Variants in TVP23A observed in about 807,000 individuals in gnomAD.
TVP23A encodes Golgi apparatus membrane protein TVP23 homolog A.
TVP23A carries 21 observed loss-of-function variants against 31.7 expected under a neutral mutation model. The ratio of observed to expected loss-of-function variants is 0.66; its 90% CI spans 0.47 to 0.95. The LOEUF (loss-of-function observed/expected upper bound fraction) is 0.95, where lower values mean the gene tolerates loss of function less well. Ranked by LOEUF, TVP23A falls within the 40% of genes least tolerant of loss-of-function variation. The probability of loss-of-function intolerance (pLI) is 0.00; values close to 1 mark genes in which losing one functional copy is unlikely to be tolerated. For synonymous variants in TVP23A, 104 were observed against 96.0 expected (o/e 1.08, Z -0.49); for missense variants, 279 against 255.6 (o/e 1.09, Z -0.62).
At chr16:10,780,262 C>T (rs1398328794) in intron 2 of TVP23A, among the ~76,000 whole-genome samples, 1 of 152,096 alleles carries the variant, frequency 6.6e-6, no homozygotes, top group Non-Finnish European at 1.5e-5. Context: ...TATCTTGTCT[C>T]CTGCTAAATG....
intron 2 of TVP23A, among the ~76,000 whole-genome samples, chr16:10,787,675 TG>T (rs1024580293): frequency 1.5e-5 from 2 of 129,776 alleles, no homozygotes; most frequent in African/African-American, 9.1e-5. Context: ...TGCAGTGGGC[TG>T]GTTTTTTTCC....
In TVP23A at chr16:10,801,908, A is replaced by G. The variant is rs111654659; in HGVS notation, c.89+16195T>C. 9.7e-3 allele frequency among the ~76,000 whole-genome samples: 1,471 copies of G among 152,228 alleles called. 28 individuals carry two copies. Among genetic ancestry groups the G allele is most frequent in the African/African-American group, 0.034 (1,392 of 41,522 alleles). ...ATTGATGGCTGGACACAGTGGCTTA[A>G]GCCTGTAATCCCAGCACTCCGAAAG... On this transcript the variant is annotated intron_variant, in intron 2 of 7. Coordinates refer to ENST00000299866, the MANE Select transcript of TVP23A (RefSeq NM_001079512.4).
At chr16:10,781,504 C>T (rs919547690) in intron 2 of TVP23A, among the ~76,000 whole-genome samples, 3 of 152,166 alleles carry the variant, frequency 2.0e-5, no homozygotes, top group East Asian at 1.9e-4. Context: ...CACCCATTGT[C>T]TTCCTCCCCG....
intron 2 of TVP23A, among the ~76,000 whole-genome samples, chr16:10,789,031 C>T (rs1012712212): frequency 5.3e-5 from 8 of 152,158 alleles, no homozygotes; most frequent in African/African-American, 1.9e-4. Flanking sequence ...CCCCACAAGC[C>T]TTTTTCCCAA....
At chr16:10,794,993 G>C (rs2142993226) in intron 2 of TVP23A, among the ~76,000 whole-genome samples, 1 of 152,130 alleles carries the variant, frequency 6.6e-6, no homozygotes, top group East Asian at 1.9e-4. Context: ...GAGGAGCCTG[G>C]GATCCCTGGA....
rs747246242 is a variant in TVP23A, at chr16:10,761,322, C to T, written c.*453G>A. On this transcript the variant is annotated 3_prime_UTR_variant and NMD_transcript_variant, in exon 9 of 9. Transcript: ENST00000456096. ...TCGGTTGCACAGACATTCCCTTTCTCGCACTTTGATGCTGGAATCACTGGT... is the reference window on the plus strand; with the variant it reads ...TCGGTTGCACAGACATTCCCTTTCTTGCACTTTGATGCTGGAATCACTGGT... The T allele has an allele frequency of 4.4e-6, 7 of 1,576,800 alleles. No individual in the cohort carries two copies. The East Asian group carries it at 1.1e-4, about 25-fold the overall frequency.
At position 10,769,078 on chromosome 16, in the gene TVP23A, A is replaced by G; in HGVS notation, c.*24T>C. The G allele has an allele frequency of 1.2e-6, 2 of 1,614,094 alleles. No individual in the cohort carries two copies. The highest frequency in any genetic ancestry group is 1.7e-6 in the Non-Finnish European group (2 of 1,179,994). On this transcript the variant is annotated 3_prime_UTR_variant, in exon 8 of 8. Coordinates refer to ENST00000299866, the MANE Select transcript of TVP23A (RefSeq NM_001079512.4). ...AAGAGTTTTGTAATCTCCATCAGTCAAAAGAAGAGAACCTCATCAGTTCCT... is the reference window on the plus strand; with the variant it reads ...AAGAGTTTTGTAATCTCCATCAGTCGAAAGAAGAGAACCTCATCAGTTCCT...
chr16:10,758,906 AG>A (rs1900753980), downstream of TVP23A, among the ~76,000 whole-genome samples: 1 of 152,248 alleles, frequency 6.6e-6, no homozygotes, highest in African/African-American at 2.4e-5. Flanking sequence ...GGAGAGCGAT[AG>A]GAAGTTTCCT....
Position 10,818,109 on chromosome 16 carries a change from T to C in TVP23A, c.83A>G (p.Lys28Arg), listed in dbSNP as rs544609026. Reference protein sequence around the residue: ...NEEELAFRKAKIRHPLATFFH... With the variant: ...NEEELAFRKARIRHPLATFFH... The stretch of plus-strand genomic sequence containing the variant: ...AAGCTCCATCCCAACACACCTGATC[T>C]TGGCTTTCCTAAAGGCCAGCTCCTC... The change falls in exon 2 of 8, where the codon AAG (lysine) becomes AGG (arginine). Residue 28 changes from lysine (K) to arginine (R), a missense_variant. Physicochemically the swap from Lys to Arg is conservative, Grantham distance 26. Coordinates refer to ENST00000299866, the MANE Select transcript of TVP23A (RefSeq NM_001079512.4). This position sits in a 1 kb window ranked among gnomAD's most constrained non-coding sequence, Gnocchi z 4.7. 6.2e-7 allele frequency: 1 copy of C among 1,608,008 alleles called. No homozygotes were observed. Among genetic ancestry groups the C allele is most frequent in the Admixed American group, 1.7e-5 (1 of 59,184 alleles).
intron 2 of TVP23A, among the ~76,000 whole-genome samples, chr16:10,807,938 C>T (rs2034019942): frequency 6.6e-6 from 1 of 152,168 alleles, no homozygotes; most frequent in Admixed American, 6.5e-5. Flanking sequence ...GACTCGAACT[C>T]CTGGACTGAA....
intron 2 of TVP23A, among the ~76,000 whole-genome samples, chr16:10,803,068 G>A (rs1209183755): frequency 6.6e-6 from 1 of 152,174 alleles, no homozygotes; most frequent in East Asian, 1.9e-4. Flanking sequence ...TGGATCACCT[G>A]AGGTCAGGAG....
At chr16:10,809,178 T>C (rs1376643659) in intron 2 of TVP23A, among the ~76,000 whole-genome samples, 1 of 152,176 alleles carries the variant, frequency 6.6e-6, no homozygotes, top group Non-Finnish European at 1.5e-5. Context: ...TTAATCATCT[T>C]TTTACAACCT....
At chr16:10,771,358 T>A (rs1273952307) in intron 6 of TVP23A, among the ~76,000 whole-genome samples, 2 of 151,510 alleles carry the variant, frequency 1.3e-5, no homozygotes, top group Non-Finnish European at 2.9e-5. Context: ...CTGGGCAACA[T>A]GGCAAAACTT....
At chr16:10,773,213 G>C (rs1482532598) in intron 5 of TVP23A, 100 bp downstream of exon 5, 3 of 1,391,378 alleles carry the variant, frequency 2.2e-6, no homozygotes, top group Non-Finnish European at 2.9e-6. Context: ...TGTTATAATT[G>C]ATCAATCAAT....
downstream of TVP23A, among the ~76,000 whole-genome samples, chr16:10,763,090 A>C (rs2030255626): frequency 6.6e-6 from 1 of 151,972 alleles, no homozygotes; most frequent in Admixed American, 6.6e-5. Flanking sequence ...CTGCCAGTAC[A>C]AGTCACCTGG....
intron 6 of TVP23A, 119 bp from the exon 7 acceptor site, chr16:10,770,450 A>T (rs2031498390): frequency 9.1e-7 from 1 of 1,093,148 alleles, no homozygotes. Context: ...TGGTTGCTTG[A>T]TGTCTTGGCA....
At chr16:10,778,802 C>A (rs1308148604) in intron 2 of TVP23A, among the ~76,000 whole-genome samples, 1 of 152,122 alleles carries the variant, frequency 6.6e-6, no homozygotes, top group East Asian at 1.9e-4. Context: ...CCTATCTCTA[C>A]TAAAACTACA....
At chr16:10,817,913 C>G (rs2143012832) in intron 2 of TVP23A, among the ~76,000 whole-genome samples, 190 bp downstream of exon 2, 1 of 152,368 alleles carries the variant, frequency 6.6e-6, no homozygotes, top group African/African-American at 2.4e-5. Context: ...ATCAACTCCA[C>G]CCCTTCTTCC....
chr16:10,798,105 G>A (rs1023582224), intron 2 of TVP23A, among the ~76,000 whole-genome samples: 3 of 151,324 alleles, frequency 2.0e-5, no homozygotes, highest in African/African-American at 7.3e-5. Flanking sequence ...ACAGGCACCT[G>A]CCACCACGCC....
Sources: gnomAD v4.1 joint callset for allele counts (sites outside exome capture counted in the v4.1 genomes callset) on GRCh38, gnomAD v4.1.1 for gene constraint, Gnocchi (gnomAD v3.1) non-coding constraint, MANE v1.5 for transcripts, NCBI Gene and HGNC (gene_info 2026-07-23, HGNC 2026-07-21) for gene names.